Variants in GPHN observed in about 807,000 individuals in gnomAD.
The protein encoded by GPHN is gephyrin.
A neutral mutation model predicts 95.5 loss-of-function variants in GPHN; 17 were observed. The ratio of observed to expected loss-of-function variants is 0.18; its 90% CI spans 0.12 to 0.27. GPHN has a LOEUF of 0.27. Ranked by LOEUF, GPHN falls within the 10% of genes least tolerant of loss-of-function variation. GPHN has a pLI of 1.00. For missense variants in GPHN, 660 were observed against 978.1 expected, an observed-to-expected ratio of 0.67 and a Z score of 4.34; for synonymous variants, 320 against 322.5, an observed-to-expected ratio of 0.99 and a Z score of 0.08.
chr14:67,335,478 A>G, the GPHN span: 1 of 152,604 alleles, frequency 6.6e-6, no homozygotes, highest in African/African-American at 2.4e-5. Flanking sequence ...AGGTTGGTGC[A>G]TAACTTTGTT....
chr14:66,654,338 G>A (rs1056375517), intron 1 of GPHN, among the ~76,000 whole-genome samples: 3 of 151,882 alleles, frequency 2.0e-5, no homozygotes, highest in South Asian at 2.1e-4. Context: ...CAAGTGATCC[G>A]CCTGCCTCAG....
the GPHN span, chr14:67,223,827 T>A: frequency 1.0e-6 from 1 of 985,790 alleles, no homozygotes; most frequent in Non-Finnish European, 1.2e-6. Context: ...AATCACCTGT[T>A]CCCCTTCCAT....
At chr14:67,648,414 T>C in the GPHN span, 5 of 380,750 alleles carry the variant, frequency 1.3e-5, no homozygotes, top group Admixed American at 1.7e-4. Flanking sequence ...GAGTAAAAAA[T>C]TGTATATTTA....
the GPHN span, chr14:67,302,017 C>T: frequency 2.5e-6 from 4 of 1,610,086 alleles, no homozygotes; most frequent in African/African-American, 2.7e-5. Flanking sequence ...GGAAATGCAG[C>T]TAGAGCCCAT....
At chr14:67,324,897 A>ATTTTTTTTTTTTTTTT in the GPHN span, among the ~76,000 whole-genome samples, 1 of 76,336 alleles carries the variant, frequency 1.3e-5, no homozygotes, top group Non-Finnish European at 2.4e-5. Context: ...CCTTCCTTTC[A>ATTTTTTTTTTTTTTTT]TTTTTTTTTT....
At chr14:66,634,824 T>C (rs532599069) in intron 1 of GPHN, among the ~76,000 whole-genome samples, 1 of 152,342 alleles carries the variant, frequency 6.6e-6, no homozygotes, top group South Asian at 2.1e-4. Context: ...GCTGCTGATT[T>C]ACCACCATTG....
the GPHN span, chr14:67,722,736 C>A: frequency 3.2e-6 from 5 of 1,582,968 alleles, no homozygotes; most frequent in South Asian, 4.4e-5. Flanking sequence ...GCAACTCAAA[C>A]AATCGTTTAC....
At chr14:67,147,452 G>C (rs2080965277) in intron 18 of GPHN, among the ~76,000 whole-genome samples, 1 of 152,220 alleles carries the variant, frequency 6.6e-6, no homozygotes, top group African/African-American at 2.4e-5. Flanking sequence ...CAGAATAGAA[G>C]ATAAGTGACA....
At chr14:67,570,297 C>T in the GPHN span, 1 of 976,906 alleles carries the variant, frequency 1.0e-6, no homozygotes, top group Non-Finnish European at 1.2e-6. Flanking sequence ...CCTCACTCCT[C>T]AGGTCCCAGA....
the GPHN span, among the ~76,000 whole-genome samples, chr14:67,475,498 T>A: frequency 6.6e-6 from 1 of 152,214 alleles, no homozygotes; most frequent in Non-Finnish European, 1.5e-5. Flanking sequence ...CCATTTTACA[T>A]TCCCCATCAG....
chr14:66,760,668 C>A, intron 2 of GPHN: 1 of 425,054 alleles, frequency 2.4e-6, no homozygotes, highest in Non-Finnish European at 4.4e-6. Context: ...AAGCATAATC[C>A]TCGCAAAGTT....
At chr14:67,320,142 C>T in the GPHN span, 1 of 1,267,674 alleles carries the variant, frequency 7.9e-7, no homozygotes, top group Non-Finnish European at 1.1e-6. Flanking sequence ...GTGCTTTTGT[C>T]TAATTTTGGG....
chr14:67,727,157 C>CT, the GPHN span: 1 of 1,613,930 alleles, frequency 6.2e-7, no homozygotes, highest in Non-Finnish European at 8.5e-7. Context: ...GGCCAATGTG[C>CT]TTTTTACTCG....
At chr14:66,632,536 C>G (rs1191822855) in intron 1 of GPHN, among the ~76,000 whole-genome samples, 1 of 149,522 alleles carries the variant, frequency 6.7e-6, no homozygotes, top group African/African-American at 2.5e-5. Flanking sequence ...CCCTGTCACC[C>G]AGGCAGAGTG....
the GPHN span, among the ~76,000 whole-genome samples, chr14:67,671,850 C>T: frequency 6.6e-6 from 1 of 152,152 alleles, no homozygotes; most frequent in Non-Finnish European, 1.5e-5. Flanking sequence ...TGAACTAACC[C>T]ACTCTCTCAA....
chr14:67,181,139 C>A lies in GPHN; in HGVS notation c.*202C>A. 1.6e-6 allele frequency: 1 copy of A among 638,652 alleles called. No individual in the cohort carries two copies. The highest frequency in any genetic ancestry group is 2.7e-6 in the Non-Finnish European group (1 of 376,484). 39.6% of individuals were successfully genotyped at this position (638,652 alleles called of 1,614,324 possible). A position where few individuals can be genotyped will look rare whatever the true frequency, so the allele number is the denominator to read the frequency against. ...ATAAATCTTAACAGAAAATTCTGTT[C>A]TGATTATATCAAGGCAAATTTTTCC... On this transcript the variant is annotated 3_prime_UTR_variant, in exon 23 of 23. Coordinates refer to ENST00000478722, the MANE Select transcript of GPHN (RefSeq NM_020806.5).
chr14:67,143,648 T>G (rs2080636754), intron 18 of GPHN, among the ~76,000 whole-genome samples, 199 bp downstream of exon 18: 1 of 152,190 alleles, frequency 6.6e-6, no homozygotes, highest in Admixed American at 6.5e-5. Flanking sequence ...AGGAGCAACC[T>G]GGAGAATCCC....
At chr14:67,302,058 C>T in the GPHN span, 1 of 1,608,980 alleles carries the variant, frequency 6.2e-7, no homozygotes, top group Non-Finnish European at 8.5e-7. Flanking sequence ...AAAGTATTGG[C>T]CAGTATGGAG....
intron 1 of GPHN, among the ~76,000 whole-genome samples, chr14:66,638,814 A>C (rs1397699251): frequency 6.6e-6 from 1 of 152,116 alleles, no homozygotes; most frequent in Non-Finnish European, 1.5e-5. Context: ...TCAGGGCTCT[A>C]ATGTTAATGG....
Sources: allele counts gnomAD v4.1 joint callset (sites outside exome capture counted in the v4.1 genomes callset), GRCh38; gene constraint gnomAD v4.1.1; transcripts MANE v1.5; gene names NCBI Gene and HGNC (gene_info 2026-07-23, HGNC 2026-07-21).